GABRA3: variants seen among roughly 807,000 people sequenced by gnomAD.
GABRA3 encodes gamma-aminobutyric acid type A receptor subunit alpha3.
Under a neutral mutation model 30.1 loss-of-function variants are expected in GABRA3, and 10 were observed. The observed-to-expected ratio is 0.33, with a 90% confidence interval of 0.20 to 0.56. GABRA3 has a LOEUF of 0.56. Ranked by LOEUF, GABRA3 falls within the 20% of genes least tolerant of loss-of-function variation. GABRA3 has a pLI of 0.89. For synonymous variants in GABRA3, 151 were observed against 146.8 expected (o/e 1.03, Z -0.21); for missense variants, 233 against 392.0 (o/e 0.59, Z 3.42).
chrX:152,328,717 T>C (rs140784136), intron 3 of GABRA3, among the ~76,000 whole-genome samples: 23,161 of 110,366 alleles, frequency 0.21, 2,265 homozygotes, highest in African/African-American at 0.38. Flanking sequence ...ATAAGAGCTA[T>C]TTATGACAAA....
chrX:152,224,413 A>G (rs1603215995), intron 6 of GABRA3, among the ~76,000 whole-genome samples: 1 of 112,068 alleles, frequency 8.9e-6, no homozygotes, highest in East Asian at 2.8e-4. Context: ...TCTGTTTGAC[A>G]TATCTTGTCC....
intron 5 of GABRA3, among the ~76,000 whole-genome samples, chrX:152,249,517 A>T (rs1465475778): frequency 9.0e-6 from 1 of 111,236 alleles, no homozygotes; most frequent in Non-Finnish European, 1.9e-5. Context: ...CTTCTTAGCT[A>T]GGTACCTCAT....
chrX:152,235,101 A>T (rs1212634503), intron 5 of GABRA3, among the ~76,000 whole-genome samples: 1 of 111,899 alleles, frequency 8.9e-6, no homozygotes, highest in Admixed American at 9.5e-5. Context: ...CCAATGCATA[A>T]GCCTGGGATG....
At chrX:152,367,748 C>A (rs1215928611) in intron 1 of GABRA3, among the ~76,000 whole-genome samples, 1 of 110,966 alleles carries the variant, frequency 9.0e-6, no homozygotes, top group Non-Finnish European at 1.9e-5. Context: ...TTCAGATATC[C>A]ACCCCCACAC....
intron 3 of GABRA3, among the ~76,000 whole-genome samples, chrX:152,290,038 T>C (rs1939375803): frequency 1.8e-5 from 2 of 112,172 alleles, no homozygotes; most frequent in Admixed American, 9.5e-5. Context: ...TACCCAGTAA[T>C]GGGATCGCTA....
rs201874560 is a variant in GABRA3 at position 152,168,583 on chromosome X, G to C, written c.1144-20C>G. 1.1e-4 allele frequency: 119 copies of C among 1,107,649 alleles called. No homozygotes were observed. In the African/African-American group the frequency reaches 1.9e-3, roughly 17 times the overall value. 91.3% of individuals were successfully genotyped at this position (1,107,649 alleles called of 1,213,427 possible). On this transcript the variant is annotated intron_variant, in intron 9 of 9. Coordinates refer to ENST00000370314, the MANE Select transcript of GABRA3 (RefSeq NM_000808.4). Reference sequence around the variant, plus strand: ...TTTCTTCTAGAGGCCAGGAAAAAGAGGGGGGGAAAGGGAGAAAAAAGCAAA... The same window carrying C: ...TTTCTTCTAGAGGCCAGGAAAAAGACGGGGGGAAAGGGAGAAAAAAGCAAA...
intron 1 of GABRA3, among the ~76,000 whole-genome samples, chrX:152,446,373 G>A (rs1415920612): frequency 9.0e-6 from 1 of 111,383 alleles, no homozygotes; most frequent in Non-Finnish European, 1.9e-5. Context: ...AACTTTGTCT[G>A]TTTTGCTCAC....
intron 3 of GABRA3, among the ~76,000 whole-genome samples, chrX:152,306,461 T>C (rs1355013071): frequency 1.8e-5 from 2 of 112,097 alleles, no homozygotes; most frequent in African/African-American, 6.5e-5. Context: ...GTATTCTCAG[T>C]TGCCTCTGAA....
chrX:152,369,592 TC>T (rs1928772945), intron 1 of GABRA3, among the ~76,000 whole-genome samples: 1 of 111,275 alleles, frequency 9.0e-6, no homozygotes, highest in Non-Finnish European at 1.9e-5. Context: ...TATAATTTGT[TC>T]CGTCACTTCC....
At chrX:152,267,526 A>G (rs146333891) in intron 4 of GABRA3, among the ~76,000 whole-genome samples, 1,422 of 111,168 alleles carry the variant, frequency 0.013, 10 homozygotes, top group Non-Finnish European at 0.022. Flanking sequence ...GGCCTTGTGG[A>G]ATGAGTTTGG....
At chrX:152,182,662 T>TATATATACA (rs1569348551) in intron 9 of GABRA3, among the ~76,000 whole-genome samples, 21 of 72,854 alleles carry the variant, frequency 2.9e-4, no homozygotes, top group African/African-American at 1.1e-3. Flanking sequence ...ACATATATAG[T>TATATATACA]GTATATATAC....
chrX:152,232,975 GTTT>G (rs1228037376), intron 5 of GABRA3, among the ~76,000 whole-genome samples: 1 of 110,543 alleles, frequency 9.0e-6, no homozygotes, highest in Non-Finnish European at 1.9e-5. Flanking sequence ...GTCAACATCT[GTTT>G]TTTTGTTTGT....
At chrX:152,373,333 G>C (rs1319597440) in intron 1 of GABRA3, among the ~76,000 whole-genome samples, 1 of 111,183 alleles carries the variant, frequency 9.0e-6, no homozygotes, top group Non-Finnish European at 1.9e-5. Context: ...CTCCCCATGT[G>C]TGCAATGAAC....
intron 4 of GABRA3, among the ~76,000 whole-genome samples, chrX:152,278,444 A>G (rs889421010): frequency 4.5e-5 from 5 of 111,024 alleles, no homozygotes; most frequent in Non-Finnish European, 7.6e-5. Context: ...TGAACTCATC[A>G]GTTTTTATGG....
chrX:152,293,518 C>A (rs960957282), intron 3 of GABRA3, among the ~76,000 whole-genome samples: 1 of 111,247 alleles, frequency 9.0e-6, no homozygotes. Context: ...TCCAATTTGT[C>A]AGTCTGTGTC....
At chrX:152,225,394 CCACACACACGCACA>C (rs1236553074) in intron 5 of GABRA3, among the ~76,000 whole-genome samples, 3 of 89,670 alleles carry the variant, frequency 3.3e-5, no homozygotes, top group African/African-American at 1.3e-4. Context: ...CACACATACA[CCACACACACGCACA>C]CACACACACG....
At chrX:152,348,746 AT>A (rs1437977598) in intron 2 of GABRA3, among the ~76,000 whole-genome samples, 1 of 112,317 alleles carries the variant, frequency 8.9e-6, no homozygotes, top group Non-Finnish European at 1.9e-5. Context: ...ACAGCACTCT[AT>A]TAAGTGTTCA....
At chrX:152,328,155 G>C (rs972812843) in intron 3 of GABRA3, among the ~76,000 whole-genome samples, 1 of 111,546 alleles carries the variant, frequency 9.0e-6, no homozygotes, top group Non-Finnish European at 1.9e-5. Context: ...CCAGGAAGAA[G>C]TTGAATCCCT....
In GABRA3 at chrX:152,233,630, C is replaced by T. The variant is rs750137133; in HGVS notation, c.552-8785G>A. On this transcript the variant is annotated intron_variant, in intron 5 of 9. Coordinates refer to ENST00000370314, the MANE Select transcript of GABRA3 (RefSeq NM_000808.4). Reference sequence around the variant, plus strand: ...AAACTAGTTCAACCATTGTGGAAGTCGGTGTGGCGATTCCTCAGGGATCTA... The same window carrying T: ...AAACTAGTTCAACCATTGTGGAAGTTGGTGTGGCGATTCCTCAGGGATCTA... Among the ~76,000 whole-genome samples the T allele has an allele frequency of 9.5e-4, 104 of 109,071 alleles. 1 individual carries two copies. The highest frequency in any genetic ancestry group is 5.6e-3 in the South Asian group (14 of 2,516). 94.7% of individuals were successfully genotyped at this position (109,071 alleles called of 115,157 possible). A position where few individuals can be genotyped will look rare whatever the true frequency, so the allele number is the denominator to read the frequency against.
Sources: gnomAD v4.1 joint callset for allele counts (sites outside exome capture counted in the v4.1 genomes callset) on GRCh38, gnomAD v4.1.1 for gene constraint, MANE v1.5 for transcripts, NCBI Gene and HGNC (gene_info 2026-07-23, HGNC 2026-07-21) for gene names.